CAMSAP1: variants seen among roughly 807,000 people sequenced by gnomAD.
The protein encoded by CAMSAP1 is calmodulin-regulated spectrin-associated protein 1.
In CAMSAP1, 58 loss-of-function variants were observed where a neutral mutation model predicts 143.5. The ratio of observed to expected loss-of-function variants is 0.40; its 90% CI spans 0.33 to 0.50. The LOEUF (loss-of-function observed/expected upper bound fraction) is 0.50. Among genes scored for constraint, CAMSAP1 ranks in the 20% least tolerant of loss-of-function variants. CAMSAP1 has a pLI of 0.45. For synonymous variants in CAMSAP1, 945 were observed against 859.3 expected (o/e 1.10, Z -1.74); for missense variants, 1,969 against 2,115.7 (o/e 0.93, Z 1.36).
chr9:135,827,295 G>T, intron 8 of CAMSAP1, 112 bp downstream of exon 8: 2 of 1,104,610 alleles, frequency 1.8e-6, no homozygotes, highest in Non-Finnish European at 2.4e-6. Flanking sequence ...TCTTTCATAA[G>T]CGAATACAAA....
At position 135,826,085 on chromosome 9, in the gene CAMSAP1, C is replaced by G. The variant is rs1263294224; in HGVS notation, c.1224-1205G>C. ...GTGACAGACTGGGTAGCTGTTGAAA[C>G]TGTGGCAGACGAGGATGCACCGAGT... is the stretch of plus-strand genomic sequence containing the variant. On this transcript the variant is annotated intron_variant, in intron 8 of 16. Transcript: ENST00000389532. This position sits in a 1 kb window ranked among gnomAD's most constrained non-coding sequence, Gnocchi z 4.4. The G allele has an allele frequency of 6.6e-6, 1 of 152,230 alleles. No homozygotes were observed. The highest frequency in any genetic ancestry group is 2.4e-5 in the African/African-American group (1 of 41,424). The allele number at this position is 152,230 out of a possible 1,614,324, so 9.4% of individuals were successfully genotyped here.
chr9:135,814,827 T>C (rs963273161), intron 16 of CAMSAP1, among the ~76,000 whole-genome samples: 5 of 152,158 alleles, frequency 3.3e-5, no homozygotes, highest in African/African-American at 1.2e-4. Flanking sequence ...GAACTATGTC[T>C]TTCCTCAGCC....
At chr9:135,831,445 C>A (rs1381324450) in intron 7 of CAMSAP1, among the ~76,000 whole-genome samples, 2 of 150,716 alleles carry the variant, frequency 1.3e-5, no homozygotes, top group South Asian at 2.1e-4. Context: ...ACAAATCTGG[C>A]CAACATAGCG....
Position 135,846,836 on chromosome 9 carries a change from CCATCT to C in CAMSAP1, c.1045+3296_1045+3300del, listed in dbSNP as rs1051055834. Among the ~76,000 whole-genome samples the C allele has an allele frequency of 9.7e-4, 147 of 152,202 alleles. 1 individual carries two copies. The highest frequency in any genetic ancestry group is 3.5e-3 in the African/African-American group (145 of 41,512). On this transcript the variant is annotated intron_variant, in intron 7 of 16. Transcript: ENST00000389532. ...TGAAAATCAAAACCACAATGAGATA[CCATCT>C]CATGACAGTTAGAATGGCGATCATT... is the stretch of plus-strand genomic sequence containing the variant.
intron 7 of CAMSAP1, among the ~76,000 whole-genome samples, chr9:135,849,161 T>C (rs1437383902): frequency 1.3e-5 from 2 of 152,236 alleles, no homozygotes; most frequent in African/African-American, 2.4e-5. Context: ...CATCACAGCT[T>C]AGCCTAGGCG....
At chr9:135,891,579 A>G (rs1006295700) in intron 1 of CAMSAP1, among the ~76,000 whole-genome samples, 1 of 152,202 alleles carries the variant, frequency 6.6e-6, no homozygotes, top group African/African-American at 2.4e-5. Context: ...AACAAAATCA[A>G]CGTTATCCAA....
At position 135,821,074 on chromosome 9, in the gene CAMSAP1, C is replaced by T. The variant is rs749987622; in HGVS notation, c.3587G>A (p.Ser1196Asn). Residue 1196 changes from serine to asparagine, a missense_variant, in exon 11 of 17, where the codon AGC (serine) becomes AAC (asparagine). By Grantham distance (46) the Ser-to-Asn change is conservative. This residue lies in a region of CAMSAP1 where 1,390 missense variants were observed against 1,420.8 expected (regional missense o/e 0.98). Coordinates refer to ENST00000389532, the MANE Select transcript of CAMSAP1 (RefSeq NM_015447.4). This position sits in a 1 kb window ranked among gnomAD's most constrained non-coding sequence, Gnocchi z 4.6. ...ACTCGCATCCAGAACTTCTTTGAGG[C>T]TCATCTGCTCCGAAAGAATGTTGGC... ...KDANILSEQM[S>N]LKEVLDASVK... 10 of 1,613,892 alleles carry T rather than the reference C, an allele frequency of 6.2e-6. No individual in the cohort carries two copies. In the East Asian group the frequency reaches 1.3e-4, roughly 22 times the overall value.
intron 7 of CAMSAP1, among the ~76,000 whole-genome samples, chr9:135,844,693 T>C (rs138968539): frequency 0.011 from 1,747 of 152,234 alleles, 31 homozygotes; most frequent in African/African-American, 0.04. Flanking sequence ...GATATCATCA[T>C]TGATCCCGCA....
At chr9:135,825,021 A>G in intron 8 of CAMSAP1, 141 bp from the exon 9 acceptor site, 2 of 700,270 alleles carry the variant, frequency 2.9e-6, no homozygotes, top group East Asian at 5.7e-5. Flanking sequence ...AAATGACAAT[A>G]AAAATGAGCC....
chr9:135,896,837 C>T (rs1399487332), intron 1 of CAMSAP1, among the ~76,000 whole-genome samples: 1 of 152,102 alleles, frequency 6.6e-6, no homozygotes, highest in Non-Finnish European at 1.5e-5. Context: ...TGGGGCCTTT[C>T]GGGGGTGAAT....
chr9:135,906,864 C>A, intron 1 of CAMSAP1, 136 bp downstream of exon 1: 1 of 448,330 alleles, frequency 2.2e-6, no homozygotes, highest in Non-Finnish European at 3.0e-6. Flanking sequence ...TCGGAGGCGG[C>A]CGGCCCAGCC....
rs540212535 is a variant in CAMSAP1 at position 135,876,881 on chromosome 9, C to T, written c.585+4752G>A. On this transcript the variant is annotated intron_variant, in intron 3 of 16. Transcript: ENST00000389532. The stretch of plus-strand genomic sequence containing the variant: ...AAAATTAGCCAGGTGTGGTGGCAGG[C>T]GCCTGTAATCTCAGCTACTTGGGAG... Among the ~76,000 whole-genome samples the T allele has an allele frequency of 3.3e-5, 5 of 152,070 alleles. No individual in the cohort carries two copies. The East Asian group carries it at 7.7e-4, about 24-fold the overall frequency.
Position 135,821,034 on chromosome 9 carries a change from C to G in CAMSAP1, c.3627G>C (p.Gly1209=), listed in dbSNP as rs200183409. The G allele has an allele frequency of 6.2e-7, 1 of 1,613,802 alleles. No individual in the cohort carries two copies. Among genetic ancestry groups the G allele is most frequent in the Non-Finnish European group, 8.5e-7 (1 of 1,179,780 alleles). The part of the protein sequence containing the change: ...EVLDASVKEV[G]SSSSDVSGKE... ...TTCCCGAGACATCTGAGGAGCTGGA[C>G]CCCACCTCCTTCACACTCGCATCCA... The change falls in exon 11 of 17, where the codon GGG becomes GGC. Residue 1209 remains glycine, a synonymous_variant. Coordinates refer to ENST00000389532, the MANE Select transcript of CAMSAP1 (RefSeq NM_015447.4). This position sits in a 1 kb window ranked among gnomAD's most constrained non-coding sequence, Gnocchi z 4.6.
rs1453666135 is a variant in CAMSAP1, at chr9:135,811,395, C to T, written c.4723G>A (p.Val1575Ile). The T allele has an allele frequency of 6.2e-7, 1 of 1,612,926 alleles. No homozygotes were observed. Among genetic ancestry groups the T allele is most frequent in the Non-Finnish European group, 8.5e-7 (1 of 1,179,512 alleles). The part of the protein sequence containing the change: ...FNLIPAKTMS[V>I]SVDALTIHNH... ...TGGATTGTGAGTGCGTCCACACTGACAGACATGGTTTTGGCTGGGATCAAG... is the reference window on the plus strand; with the variant it reads ...TGGATTGTGAGTGCGTCCACACTGATAGACATGGTTTTGGCTGGGATCAAG... Residue 1575 changes from valine (V) to isoleucine (I), a missense_variant, in exon 17 of 17, where the codon GTC (valine) becomes ATC (isoleucine). Val to Ile is a conservative substitution (Grantham distance 29, BLOSUM62 3). This residue lies in a region of CAMSAP1 where 143 missense variants were observed against 200.6 expected (regional missense o/e 0.71). Coordinates refer to ENST00000389532, the MANE Select transcript of CAMSAP1 (RefSeq NM_015447.4). This position sits in a 1 kb window ranked among gnomAD's most constrained non-coding sequence, Gnocchi z 4.9.
At chr9:135,838,138 C>T (rs2131706160) in intron 7 of CAMSAP1, among the ~76,000 whole-genome samples, 1 of 148,632 alleles carries the variant, frequency 6.7e-6, no homozygotes, top group Admixed American at 6.7e-5. Flanking sequence ...CACTTTCTAC[C>T]CGTTCTACAG....
chr9:135,818,596 C>G lies in CAMSAP1; in HGVS notation c.3980G>C (p.Arg1327Pro). 6.2e-7 allele frequency: 1 copy of G among 1,613,306 alleles called. No individual in the cohort carries two copies. Among genetic ancestry groups the G allele is most frequent in the Non-Finnish European group, 8.5e-7 (1 of 1,179,800 alleles). ...DEARRKAEED[R>P]VRKEEEKARR... ...CGCCTTCTCCTCCTCCTTCCGCACCCGGTCTTCCTCAGCTTTGCGCCTGAG... is the reference window on the plus strand; with the variant it reads ...CGCCTTCTCCTCCTCCTTCCGCACCGGGTCTTCCTCAGCTTTGCGCCTGAG... The change falls in exon 13 of 17, where the codon CGG (arginine) becomes CCG (proline). Residue 1327 changes from arginine to proline, a missense_variant. Coordinates refer to ENST00000389532, the MANE Select transcript of CAMSAP1 (RefSeq NM_015447.4). This position sits in a 1 kb window ranked among gnomAD's most constrained non-coding sequence, Gnocchi z 7.7.
intron 3 of CAMSAP1, among the ~76,000 whole-genome samples, chr9:135,873,594 C>CT (rs1401305796): frequency 7.9e-5 from 12 of 152,032 alleles, no homozygotes; most frequent in Non-Finnish European, 1.3e-4. Context: ...AAACAGGACA[C>CT]TGTCACTACA....
chr9:135,883,938 T>A (rs1377553885), intron 1 of CAMSAP1, among the ~76,000 whole-genome samples: 1 of 152,164 alleles, frequency 6.6e-6, no homozygotes, highest in Non-Finnish European at 1.5e-5. Flanking sequence ...AGGAGCAGCA[T>A]ACACACGGGA....
chr9:135,869,971 C>G (rs1211846062), intron 3 of CAMSAP1, among the ~76,000 whole-genome samples: 1 of 152,184 alleles, frequency 6.6e-6, no homozygotes, highest in Admixed American at 6.5e-5. Context: ...ACTGTCCAGA[C>G]TGAGCAAACC....
Sources: gnomAD v4.1 joint callset for allele counts (sites outside exome capture counted in the v4.1 genomes callset) on GRCh38, gnomAD v4.1.1 for gene constraint, gnomAD v4.1.1 regional missense constraint, Gnocchi (gnomAD v3.1) non-coding constraint, MANE v1.5 for transcripts, NCBI Gene and HGNC (gene_info 2026-07-23, HGNC 2026-07-21) for gene names.